NOTCH2: variants seen among roughly 807,000 people sequenced by gnomAD.
The protein encoded by NOTCH2 is neurogenic locus notch homolog protein 2.
In NOTCH2, 29 loss-of-function variants were observed where a neutral mutation model predicts 235.8. The observed-to-expected ratio is 0.12, with a 90% CI of 0.09 to 0.17. The LOEUF (loss-of-function observed/expected upper bound fraction) is 0.17. NOTCH2 is among the 10% of genes least tolerant of loss of function. The pLI is 1.00. For missense variants in NOTCH2, 2,285 were observed against 3,150.2 expected, an observed-to-expected ratio of 0.73 and a Z score of 6.57; for synonymous variants, 1,086 against 1,141.5, an observed-to-expected ratio of 0.95 and a Z score of 0.98.
At chr1:119,940,249 T>G (rs1650015751) in intron 19 of NOTCH2, among the ~76,000 whole-genome samples, 1 of 152,238 alleles carries the variant, frequency 6.6e-6, no homozygotes, top group Non-Finnish European at 1.5e-5. Flanking sequence ...GTTCTTTTTG[T>G]GCTTCCAATG....
chr1:120,063,360 C>A (rs1553216558), intron 1 of NOTCH2, among the ~76,000 whole-genome samples: 2 of 151,278 alleles, frequency 1.3e-5, no homozygotes, highest in African/African-American at 4.8e-5. Flanking sequence ...AAGCAGAAAT[C>A]CTCAAAGGAA....
Position 119,987,145 on chromosome 1 carries a change from T to A in NOTCH2, c.752-63A>T. Reference sequence around the variant, plus strand: ...ATACAGAAGAAACGACCTGCTCTGTTCCCACAGAACATGGTTATTAGAATA... The same window carrying A: ...ATACAGAAGAAACGACCTGCTCTGTACCCACAGAACATGGTTATTAGAATA... On this transcript the variant is annotated intron_variant, in intron 4 of 33. Transcript: ENST00000256646. 3 of 1,592,550 alleles carry A rather than the reference T, an allele frequency of 1.9e-6. No homozygotes were observed. In the Admixed American group the frequency reaches 5.0e-5, roughly 27 times the overall value.
chr1:120,005,149 C>G, intron 3 of NOTCH2, 180 bp downstream of exon 3: 2 of 840,486 alleles, frequency 2.4e-6, no homozygotes, highest in Non-Finnish European at 3.9e-6. Flanking sequence ...TTCTCTGCCC[C>G]CTGAAACTCT....
rs756388778 is a variant in NOTCH2, at chr1:119,916,405, G to C, written c.6317C>G (p.Pro2106Arg). 1 of 1,614,144 alleles carries C rather than the reference G, an allele frequency of 6.2e-7. No individual in the cohort carries two copies. The highest frequency in any genetic ancestry group is 1.1e-5 in the South Asian group (1 of 91,080). ...AGTAGGCATGGTACTCTTGGCACTG[G>C]GCCGTCTAGACTTCTTGCCCATTGG... ...HTPMGKKSRR[P>R]SAKSTMPTSL... The change falls in exon 34 of 34, where the codon CCC becomes CGC. Residue 2106 changes from proline to arginine, a missense_variant. Physicochemically the swap from Pro to Arg is moderately radical, Grantham distance 103. Coordinates refer to ENST00000256646, the MANE Select transcript of NOTCH2 (RefSeq NM_024408.4).
intron 19 of NOTCH2, among the ~76,000 whole-genome samples, chr1:119,939,828 A>G (rs1650000913): frequency 6.6e-6 from 1 of 152,246 alleles, no homozygotes; most frequent in South Asian, 2.1e-4. Flanking sequence ...GGGTGCTCAC[A>G]TGTCTAATAT....
chr1:120,028,493 C>A (rs1484594188), intron 2 of NOTCH2, among the ~76,000 whole-genome samples: 1 of 151,690 alleles, frequency 6.6e-6, no homozygotes, highest in Non-Finnish European at 1.5e-5. Flanking sequence ...TAATAAGCTA[C>A]ATAAAACCTT....
At chr1:119,946,813 A>G (rs1190015337) in intron 17 of NOTCH2, among the ~76,000 whole-genome samples, 1 of 152,104 alleles carries the variant, frequency 6.6e-6, no homozygotes, top group Admixed American at 6.5e-5. Context: ...AGATCTTAGT[A>G]CAATAATACT....
chr1:119,937,076 C>T (rs1210171744), intron 21 of NOTCH2, among the ~76,000 whole-genome samples: 6 of 152,056 alleles, frequency 3.9e-5, no homozygotes, highest in Admixed American at 2.6e-4. Flanking sequence ...TGGTTCCAGA[C>T]GCCTATAAAA....
chr1:119,931,796 C>T (rs1426618058), intron 22 of NOTCH2, among the ~76,000 whole-genome samples: 2 of 151,710 alleles, frequency 1.3e-5, no homozygotes, highest in East Asian at 3.9e-4. Context: ...CTAACTACAA[C>T]TCAAAATCCA....
intron 22 of NOTCH2, among the ~76,000 whole-genome samples, chr1:119,930,047 A>T (rs1649602538): frequency 6.6e-6 from 1 of 152,160 alleles, no homozygotes; most frequent in Admixed American, 6.5e-5. Flanking sequence ...GCAGGTTTGG[A>T]GCCTAGGTGT....
At chr1:119,944,555 AG>A (rs372156485) in intron 17 of NOTCH2, among the ~76,000 whole-genome samples, 1 of 150,658 alleles carries the variant, frequency 6.6e-6, no homozygotes, top group Admixed American at 6.6e-5. Context: ...AAAAAAAAAA[AG>A]ACCACCACAC....
chr1:119,967,720 G>A (rs1409108386), intron 7 of NOTCH2, 99 bp from the exon 8 acceptor site: 12 of 1,029,664 alleles, frequency 1.2e-5, no homozygotes, highest in Admixed American at 5.4e-5. Context: ...TCAGGGCCAG[G>A]CCTTCAATAA....
At chr1:119,932,707 T>TA (rs1180022329) in intron 22 of NOTCH2, among the ~76,000 whole-genome samples, 14 of 151,268 alleles carry the variant, frequency 9.3e-5, no homozygotes, top group East Asian at 3.9e-4. Context: ...TCCAATTAAG[T>TA]AAAAAAAAAT....
rs587651262 is a variant in NOTCH2, at chr1:119,912,134, G to A, written c.*3172C>T. Reference sequence around the variant, plus strand: ...ATCTTAACTACCTTTAGAATGAAACGGAAAAGTAAAAACAAAGTGTGCATT... The same window carrying A: ...ATCTTAACTACCTTTAGAATGAAACAGAAAAGTAAAAACAAAGTGTGCATT... On this transcript the variant is annotated 3_prime_UTR_variant, in exon 34 of 34. Transcript: ENST00000256646. The A allele has an allele frequency of 3.4e-5, 8 of 233,416 alleles. No homozygotes were observed. The highest frequency in any genetic ancestry group is 3.6e-4 in the South Asian group (2 of 5,518). 14.5% of individuals were successfully genotyped at this position (233,416 alleles called of 1,614,324 possible). A position where few individuals can be genotyped will look rare whatever the true frequency, so the allele number is the denominator to read the frequency against.
chr1:119,968,760 C>G (rs1651248333), intron 6 of NOTCH2, among the ~76,000 whole-genome samples: 1 of 152,120 alleles, frequency 6.6e-6, no homozygotes. Flanking sequence ...TCAGGTGGCC[C>G]CAGGTCTCTG....
rs1648923211 is a variant in NOTCH2, at chr1:119,912,346, T to C, written c.*2960A>G. On this transcript the variant is annotated 3_prime_UTR_variant, in exon 34 of 34. Transcript: ENST00000256646. ...AATAGTCATCATACATTCAATGTAT[T>C]GGTTAGGGCCAAAATCCCTAAACCA... 3 of 233,282 alleles carry C rather than the reference T, an allele frequency of 1.3e-5. No individual in the cohort carries two copies. The highest frequency in any genetic ancestry group is 5.6e-5 in the Admixed American group (1 of 17,786). The allele number at this position is 233,282 out of a possible 1,614,324, so 14.5% of individuals were successfully genotyped here. A position where few individuals can be genotyped will look rare whatever the true frequency, so the allele number is the denominator to read the frequency against.
intron 5 of NOTCH2, among the ~76,000 whole-genome samples, chr1:119,978,147 G>A (rs1553201166): frequency 6.6e-6 from 1 of 152,174 alleles, no homozygotes; most frequent in African/African-American, 2.4e-5. Context: ...GAGGGGAGAA[G>A]TGTGTGAGGG....
At position 119,941,579 on chromosome 1, in the gene NOTCH2, C is replaced by T. The variant is rs1650065469; in HGVS notation, c.2928G>A (p.Gln976=). The stretch of plus-strand genomic sequence containing the variant: ...CACAATGGACTCCATCAAATCCTGC[C>T]TGGCACTTGCAAGTGTAACTGTTGA... ...DYVNSYTCKC[Q]AGFDGVHCEN... Residue 976 remains glutamine, a synonymous_variant, in exon 18 of 34, where the codon CAG becomes CAA. Coordinates refer to ENST00000256646, the MANE Select transcript of NOTCH2 (RefSeq NM_024408.4). The T allele has an allele frequency of 1.9e-6, 3 of 1,614,094 alleles. No homozygotes were observed. Among genetic ancestry groups the T allele is most frequent in the Non-Finnish European group, 2.5e-6 (3 of 1,180,048 alleles).
chr1:119,969,259 T>A (rs1465249288), intron 6 of NOTCH2, among the ~76,000 whole-genome samples: 1 of 152,172 alleles, frequency 6.6e-6, no homozygotes, highest in African/African-American at 2.4e-5. Context: ...CCAAAGACAA[T>A]AGTTACTAAC....
Sources: gnomAD v4.1 joint callset for allele counts (sites outside exome capture counted in the v4.1 genomes callset) on GRCh38, gnomAD v4.1.1 for gene constraint, MANE v1.5 for transcripts, NCBI Gene and HGNC (gene_info 2026-07-23, HGNC 2026-07-21) for gene names.